The following SLC4A10 variants were observed in gnomAD, a reference collection of about 807,000 sequenced individuals.
SLC4A10 encodes solute carrier family 4 member 10.
SLC4A10 carries 42 observed loss-of-function variants against 137.7 expected under a neutral mutation model. That is an observed-to-expected ratio of 0.30 (90% CI 0.24 to 0.39). The LOEUF is 0.39. Among genes scored for constraint, SLC4A10 ranks in the 10% least tolerant of loss-of-function variants. SLC4A10 has a pLI of 1.00. For missense variants in SLC4A10, 925 were observed against 1,355.0 expected (o/e 0.68, Z 4.98); for synonymous variants, 474 against 464.1 (o/e 1.02, Z -0.27).
At chr2:161,758,397 C>G (rs920868257) in intron 1 of SLC4A10, among the ~76,000 whole-genome samples, 5 of 151,804 alleles carry the variant, frequency 3.3e-5, no homozygotes, top group Non-Finnish European at 7.4e-5. Flanking sequence ...ATTTATCTCC[C>G]TCCTTATATA....
intron 3 of SLC4A10, among the ~76,000 whole-genome samples, chr2:161,824,140 T>C (rs1264705539): frequency 6.6e-6 from 1 of 152,148 alleles, no homozygotes; most frequent in Non-Finnish European, 1.5e-5. Context: ...ACCCAGGAGC[T>C]AATGTTCATG....
chr2:161,697,580 T>A (rs1249891787), intron 1 of SLC4A10, among the ~76,000 whole-genome samples: 1 of 152,208 alleles, frequency 6.6e-6, no homozygotes, highest in African/African-American at 2.4e-5. Flanking sequence ...CCCCATTTCT[T>A]GTTTTTGTCA....
At chr2:161,903,859 A>G in intron 12 of SLC4A10, 145 bp from the exon 13 acceptor site, 2 of 776,870 alleles carry the variant, frequency 2.6e-6, no homozygotes, top group Non-Finnish European at 4.0e-6. Flanking sequence ...GTAGATTGTT[A>G]TAAGACAATG....
chr2:161,638,963 A>G (rs989149911), intron 1 of SLC4A10, among the ~76,000 whole-genome samples: 1 of 152,038 alleles, frequency 6.6e-6, no homozygotes, highest in Non-Finnish European at 1.5e-5. Flanking sequence ...AGACATTTCA[A>G]CTCATGGTCA....
At chr2:161,875,882 T>G (rs1434415898) in intron 8 of SLC4A10, among the ~76,000 whole-genome samples, 1 of 152,162 alleles carries the variant, frequency 6.6e-6, no homozygotes, top group African/African-American at 2.4e-5. Context: ...CAAGACACCA[T>G]TTCTTCCCAG....
At chr2:161,754,053 C>T (rs77212105) in intron 1 of SLC4A10, among the ~76,000 whole-genome samples, 1 of 151,834 alleles carries the variant, frequency 6.6e-6, no homozygotes, top group East Asian at 1.9e-4. Flanking sequence ...CCACACTCAG[C>T]TAATTTTTTT....
intron 2 of SLC4A10, among the ~76,000 whole-genome samples, chr2:161,798,847 A>G (rs2055062074): frequency 6.7e-6 from 1 of 149,316 alleles, no homozygotes; most frequent in East Asian, 2.0e-4. Context: ...TTTCTAACAG[A>G]GATTCTATAG....
At chr2:161,983,089 G>A (rs1411440781) in intron 26 of SLC4A10, 90 bp from the exon 27 acceptor site, 1 of 1,160,930 alleles carries the variant, frequency 8.6e-7, no homozygotes, top group African/African-American at 1.5e-5. Flanking sequence ...TGGTGCTTTG[G>A]GGTTGACGGG....
intron 7 of SLC4A10, 69 bp from the exon 8 acceptor site, chr2:161,873,847 C>T (rs2061298962): frequency 1.4e-6 from 2 of 1,477,066 alleles, no homozygotes; most frequent in Non-Finnish European, 1.8e-6. Context: ...CATGCTCTCC[C>T]TCTGGTGCCT....
intron 1 of SLC4A10, among the ~76,000 whole-genome samples, chr2:161,743,930 G>T (rs767153647): frequency 4.6e-4 from 70 of 151,996 alleles, no homozygotes; most frequent in Non-Finnish European, 1.3e-4. Context: ...TTCTTTTTCA[G>T]TTTGTCTGTT....
At chr2:161,882,038 A>C (rs139579418) in intron 9 of SLC4A10, among the ~76,000 whole-genome samples, 2,453 of 151,746 alleles carry the variant, frequency 0.016, 21 homozygotes, top group Non-Finnish European at 0.025. Flanking sequence ...TACTTTTCCC[A>C]CTTTCCTTCT....
At chr2:161,930,511 G>A (rs1033058384) in intron 15 of SLC4A10, among the ~76,000 whole-genome samples, 4 of 150,434 alleles carry the variant, frequency 2.7e-5, no homozygotes, top group African/African-American at 9.7e-5. Context: ...CTGTCCAGTT[G>A]TTATAATTAT....
At chr2:161,933,227 C>A (rs1314409921) in intron 15 of SLC4A10, among the ~76,000 whole-genome samples, 1 of 122,160 alleles carries the variant, frequency 8.2e-6, no homozygotes, top group Non-Finnish European at 1.8e-5. Flanking sequence ...TTCTTTCTTT[C>A]TTTCTTTCTT....
Position 161,894,712 on chromosome 2 carries a change from C to G in SLC4A10, c.1228C>G (p.Arg410Gly). The G allele has an allele frequency of 1.5e-5, 21 of 1,436,588 alleles. No homozygotes were observed. The highest frequency in any genetic ancestry group is 1.9e-5 in the Non-Finnish European group (21 of 1,085,120). 89.0% of individuals were successfully genotyped at this position (1,436,588 alleles called of 1,614,324 possible). Reference sequence around the variant, plus strand: ...TGATGTTGCCTATAAAGCTAAAGATCGTAATGACTTGGTATCAGGAATTGA... The same window carrying G: ...TGATGTTGCCTATAAAGCTAAAGATGGTAATGACTTGGTATCAGGAATTGA... ...FHDVAYKAKD[R>G]NDLVSGIDEF... The change falls in exon 11 of 27, where the codon CGT (arginine) becomes GGT (glycine). Residue 410 changes from arginine (R) to glycine (G), a missense_variant. Transcript: ENST00000446997.
At chr2:161,779,044 G>A (rs929379087) in intron 2 of SLC4A10, among the ~76,000 whole-genome samples, 5 of 152,038 alleles carry the variant, frequency 3.3e-5, no homozygotes, top group Middle Eastern at 6.8e-3. Context: ...AAAAACTATG[G>A]CACCGGCATC....
chr2:161,889,256 G>A (rs1421893663), intron 10 of SLC4A10, among the ~76,000 whole-genome samples: 1 of 151,958 alleles, frequency 6.6e-6, no homozygotes, highest in Non-Finnish European at 1.5e-5. Flanking sequence ...TTTTTTTGTT[G>A]CATCTGCCAC....
At chr2:161,784,560 C>T (rs1176400142) in intron 2 of SLC4A10, among the ~76,000 whole-genome samples, 1 of 151,612 alleles carries the variant, frequency 6.6e-6, no homozygotes, top group Non-Finnish European at 1.5e-5. Context: ...TTTCTGACTA[C>T]AATGGAATGT....
At chr2:161,836,098 A>C (rs966198963) in intron 3 of SLC4A10, among the ~76,000 whole-genome samples, 2 of 152,246 alleles carry the variant, frequency 1.3e-5, no homozygotes, top group Non-Finnish European at 2.9e-5. Context: ...AGATGATGTC[A>C]AGACAAGCTG....
chr2:161,961,730 A>G (rs1480961254), intron 21 of SLC4A10, among the ~76,000 whole-genome samples: 2 of 152,140 alleles, frequency 1.3e-5, no homozygotes, highest in African/African-American at 4.8e-5. Flanking sequence ...ATGATTTTAT[A>G]CTCATGAGAT....
Sources: allele counts gnomAD v4.1 joint callset (sites outside exome capture counted in the v4.1 genomes callset), GRCh38; gene constraint gnomAD v4.1.1; transcripts MANE v1.5; gene names NCBI Gene and HGNC (gene_info 2026-07-23, HGNC 2026-07-21).